The following APP variants were observed in gnomAD, a reference collection of about 807,000 sequenced individuals.
APP encodes amyloid-beta precursor protein.
In APP, 31 loss-of-function variants were observed where a neutral mutation model predicts 101.4. That is an observed-to-expected ratio of 0.31 (90% CI 0.23 to 0.41). The LOEUF is 0.41. APP is among the 10% of genes least tolerant of loss of function. The pLI is 1.00. For synonymous variants in APP, 366 were observed against 364.4 expected, an observed-to-expected ratio of 1.00 and a Z score of -0.05; for missense variants, 839 against 1,003.7, an observed-to-expected ratio of 0.84 and a Z score of 2.22.
At chr21:25,991,892 T>C (rs1035121151) in intron 8 of APP, among the ~76,000 whole-genome samples, 5 of 152,174 alleles carry the variant, frequency 3.3e-5, no homozygotes, top group Non-Finnish European at 5.9e-5. Context: ...TTTTGGCAAA[T>C]AGCTAAACAA....
chr21:25,896,381 A>G (rs2038043913), intron 16 of APP, among the ~76,000 whole-genome samples: 1 of 152,050 alleles, frequency 6.6e-6, no homozygotes, highest in Non-Finnish European at 1.5e-5. Context: ...CTTTATGAAT[A>G]TTGAAAAGAC....
intron 3 of APP, among the ~76,000 whole-genome samples, chr21:26,072,813 A>G (rs1209745558): frequency 6.6e-6 from 1 of 152,206 alleles, no homozygotes; most frequent in East Asian, 1.9e-4. Flanking sequence ...TAAAAGCTGA[A>G]AACAATCCTA....
intron 7 of APP, among the ~76,000 whole-genome samples, chr21:25,997,671 A>G (rs2043110914): frequency 6.6e-6 from 1 of 152,082 alleles, no homozygotes; most frequent in African/African-American, 2.4e-5. Flanking sequence ...ACAGAAGAGG[A>G]TTTCTTGCTC....
At chr21:26,064,468 T>A (rs113515685) in intron 3 of APP, among the ~76,000 whole-genome samples, 1 of 152,176 alleles carries the variant, frequency 6.6e-6, no homozygotes, top group Non-Finnish European at 1.5e-5. Flanking sequence ...TAATAAGGTG[T>A]CATGCCAAAC....
intron 9 of APP, among the ~76,000 whole-genome samples, chr21:25,979,808 C>CA (rs149722046): frequency 1 from 151,683 of 151,696 alleles, 75,835 homozygotes; most frequent in Middle Eastern, 1. Flanking sequence ...TAAAAAAACA[C>CA]ACATTAAAAA....
rs553853354 is a variant in APP, at chr21:25,945,380, C to CTTTTTTTTTTTT, written c.1687+9198_1687+9209dup. 2.0e-3 allele frequency: 153 copies of CTTTTTTTTTTTT among 75,608 alleles called. 29 individuals carry two copies. Among genetic ancestry groups the CTTTTTTTTTTTT allele is most frequent in the African/African-American group, 7.0e-3 (143 of 20,454 alleles). 4.7% of individuals were successfully genotyped at this position (75,608 alleles called of 1,614,324 possible). A position where few individuals can be genotyped will look rare whatever the true frequency, so the allele number is the denominator to read the frequency against. On this transcript the variant is annotated intron_variant, in intron 13 of 17. Transcript: ENST00000346798. The stretch of plus-strand genomic sequence containing the variant: ...ATCTACAGATCCAATGCAATCCGCA[C>CTTTTTTTTTTTT]TTTTTTTTTTTTTTTTTTTTTTGCA...
chr21:26,134,933 G>A (rs532430097), intron 1 of APP, among the ~76,000 whole-genome samples: 4 of 151,984 alleles, frequency 2.6e-5, no homozygotes, highest in Admixed American at 6.6e-5. Context: ...TTAAAACTTC[G>A]ATGTTTCTAA....
intron 17 of APP, 27 bp from the exon 18 acceptor site, chr21:25,881,798 A>G (rs200741438): frequency 5.6e-6 from 9 of 1,600,848 alleles, no homozygotes; most frequent in Non-Finnish European, 7.7e-6. Flanking sequence ...GAGCTGAGTA[A>G]AAAATAAAAA....
chr21:26,084,336 T>G (rs532758764), intron 3 of APP, among the ~76,000 whole-genome samples: 1 of 148,930 alleles, frequency 6.7e-6, no homozygotes, highest in South Asian at 2.1e-4. Context: ...CCTCCCGGGT[T>G]CACGCCATTC....
intron 11 of APP, among the ~76,000 whole-genome samples, chr21:25,972,292 A>T (rs1201561938): frequency 1.3e-5 from 2 of 152,212 alleles, no homozygotes; most frequent in Non-Finnish European, 2.9e-5. Context: ...TCAAAATTAA[A>T]TTGTTAAAAA....
chr21:25,925,820 C>T (rs1409722145), intron 13 of APP, among the ~76,000 whole-genome samples: 1 of 152,088 alleles, frequency 6.6e-6, no homozygotes, highest in Non-Finnish European at 1.5e-5. Flanking sequence ...CCTGTAATCC[C>T]CATTATTCAG....
At chr21:25,885,135 T>C (rs2037239770) in intron 17 of APP, among the ~76,000 whole-genome samples, 1 of 152,256 alleles carries the variant, frequency 6.6e-6, no homozygotes, top group African/African-American at 2.4e-5. Flanking sequence ...AGGGATTATC[T>C]TGACAAAAGG....
At chr21:25,889,614 G>A (rs2037556531) in intron 17 of APP, among the ~76,000 whole-genome samples, 1 of 152,176 alleles carries the variant, frequency 6.6e-6, no homozygotes. Flanking sequence ...GTTGGGGAGG[G>A]CGGATCACTT....
chr21:25,958,718 T>C (rs1180567518), intron 11 of APP, among the ~76,000 whole-genome samples: 1 of 152,230 alleles, frequency 6.6e-6, no homozygotes, highest in Non-Finnish European at 1.5e-5. Flanking sequence ...GAATGATGCG[T>C]AGTCCATTGC....
rs1351702564 is a variant in APP at position 26,112,004 on chromosome 21, T to C, written c.200A>G (p.Glu67Gly). The C allele has an allele frequency of 1.2e-6, 2 of 1,614,118 alleles. No individual in the cohort carries two copies. Among genetic ancestry groups the C allele is most frequent in the Admixed American group, 3.3e-5 (2 of 60,022 alleles). ...TTCTTGGCAATACTGCAGGATGCCT[T>C]CCTTGGTATCAATGCAGGTTTTGGT... ...SGTKTCIDTK[E>G]GILQYCQEVY... The change falls in exon 2 of 18, where the codon GAA becomes GGA. Residue 67 changes from glutamate to glycine, a missense_variant. Transcript: ENST00000346798.
In APP at chr21:25,950,317, T is replaced by C. The variant is rs139736952; in HGVS notation, c.1687+4273A>G. On this transcript the variant is annotated intron_variant, in intron 13 of 17. Coordinates refer to ENST00000346798, the MANE Select transcript of APP (RefSeq NM_000484.4). ...AAGGGTTTATAGGACTTGGGCATTT[T>C]ACTTGAATCTTGAAAGGTGCAACTT... 8.9e-4 allele frequency among the ~76,000 whole-genome samples: 135 copies of C among 152,294 alleles called. No homozygotes were observed. The South Asian group carries it at 9.5e-3, about 11-fold the overall frequency.
intron 7 of APP, among the ~76,000 whole-genome samples, chr21:25,998,391 A>G (rs9978555): frequency 0.1 from 8,308 of 81,680 alleles, 294 homozygotes; most frequent in African/African-American, 0.22. Context: ...TCAGAGCCAG[A>G]AAAAAAAAAA....
At chr21:25,939,186 T>C (rs947011354) in intron 13 of APP, among the ~76,000 whole-genome samples, 3 of 152,182 alleles carry the variant, frequency 2.0e-5, no homozygotes, top group Non-Finnish European at 2.9e-5. Context: ...TCCACTTTCA[T>C]GTTCCCTTGA....
chr21:25,889,891 T>C (rs1486376249), intron 17 of APP, among the ~76,000 whole-genome samples: 1 of 151,548 alleles, frequency 6.6e-6, no homozygotes, highest in African/African-American at 2.4e-5. Context: ...AACAAAACCA[T>C]GAAAAAAACC....
Sources: gnomAD v4.1 joint callset for allele counts (sites outside exome capture counted in the v4.1 genomes callset) on GRCh38, gnomAD v4.1.1 for gene constraint, MANE v1.5 for transcripts, NCBI Gene and HGNC (gene_info 2026-07-23, HGNC 2026-07-21) for gene names.